The following FILIP1 variants were observed in gnomAD, a reference collection of about 807,000 sequenced individuals.
FILIP1 encodes the protein filamin A interacting protein 1, also known as filamin-A-interacting protein 1.
A neutral mutation model predicts 102.1 loss-of-function variants in FILIP1; 61 were observed. The ratio of observed to expected loss-of-function variants is 0.60; its 90% CI spans 0.49 to 0.74. The LOEUF (loss-of-function observed/expected upper bound fraction) is 0.74. Among genes scored for constraint, FILIP1 ranks in the 30% least tolerant of loss-of-function variants. The probability of loss-of-function intolerance (pLI) is 0.00; values close to 1 mark genes in which losing one functional copy is unlikely to be tolerated. For missense variants in FILIP1, 1,314 were observed against 1,441.2 expected (o/e 0.91, Z 1.43); for synonymous variants, 491 against 526.9 (o/e 0.93, Z 0.93).
chr6:75,330,029 G>A (rs2149576427), intron 4 of FILIP1, among the ~76,000 whole-genome samples: 1 of 152,194 alleles, frequency 6.6e-6, no homozygotes, highest in Middle Eastern at 3.4e-3. Flanking sequence ...TACTGTGCAG[G>A]GCTGGGATGA....
chr6:75,381,470 T>C (rs1478367758), intron 2 of FILIP1, among the ~76,000 whole-genome samples: 1 of 152,122 alleles, frequency 6.6e-6, no homozygotes, highest in Non-Finnish European at 1.5e-5. Context: ...CCTCGTTATC[T>C]GCCCACCTTG....
intron 4 of FILIP1, among the ~76,000 whole-genome samples, chr6:75,352,105 T>C (rs1774829600): frequency 6.6e-6 from 1 of 152,214 alleles, no homozygotes; most frequent in Admixed American, 6.5e-5. Context: ...TTACCAATAA[T>C]TTTTTTAAAA....
At chr6:75,383,024 C>T (rs142033136) in intron 2 of FILIP1, among the ~76,000 whole-genome samples, 4 of 152,268 alleles carry the variant, frequency 2.6e-5, no homozygotes, top group African/African-American at 9.6e-5. Context: ...ACAAATTAGC[C>T]AGTTGCCCAA....
intron 4 of FILIP1, among the ~76,000 whole-genome samples, chr6:75,348,066 C>CACACACACACACACACACACAT (rs1774653869): frequency 2.0e-5 from 3 of 151,506 alleles, no homozygotes; most frequent in Non-Finnish European, 4.4e-5. Context: ...CAGTTATACA[C>CACACACACACACACACACACAT]ACACACACAC....
intron 1 of FILIP1, among the ~76,000 whole-genome samples, chr6:75,442,212 C>T (rs1401095966): frequency 6.6e-6 from 1 of 151,874 alleles, no homozygotes; most frequent in African/African-American, 2.4e-5. Context: ...CGGGAAGAGG[C>T]GCTCCTCACT....
At chr6:75,462,523 A>T (rs1031159846) in intron 1 of FILIP1, among the ~76,000 whole-genome samples, 10 of 152,204 alleles carry the variant, frequency 6.6e-5, no homozygotes, top group African/African-American at 2.4e-4. Flanking sequence ...ATAATAAAAA[A>T]TAATTGCAAA....
intron 1 of FILIP1, among the ~76,000 whole-genome samples, chr6:75,475,641 A>T (rs552557108): frequency 5.9e-5 from 9 of 152,332 alleles, no homozygotes; most frequent in African/African-American, 1.7e-4. Context: ...AATCAAAACT[A>T]TCAAGTATTA....
chr6:75,475,974 C>T, intron 1 of FILIP1, among the ~76,000 whole-genome samples: 1 of 152,144 alleles, frequency 6.6e-6, no homozygotes, highest in South Asian at 2.1e-4. Context: ...GGCGCTGTAG[C>T]TCACACCTAT....
chr6:75,490,589 A>G (rs1180344393), intron 1 of FILIP1, among the ~76,000 whole-genome samples: 1 of 152,076 alleles, frequency 6.6e-6, no homozygotes, highest in Non-Finnish European at 1.5e-5. Context: ...AAAGATAACA[A>G]AAGTATATAA....
chr6:75,474,663 A>T (rs1779422466), intron 1 of FILIP1, among the ~76,000 whole-genome samples: 1 of 152,064 alleles, frequency 6.6e-6, no homozygotes, highest in Non-Finnish European at 1.5e-5. Flanking sequence ...TCCTTTTTCC[A>T]TGAAACTATT....
chr6:75,487,407 C>T (rs1779819430), intron 1 of FILIP1, among the ~76,000 whole-genome samples: 1 of 152,114 alleles, frequency 6.6e-6, no homozygotes, highest in South Asian at 2.1e-4. Flanking sequence ...ATTATTAACT[C>T]AGCAATGCCT....
chr6:75,291,997 TGTTTTCATTG>T (rs1772559175), exon 7 of FILIP1: 1 of 152,248 alleles, frequency 6.6e-6, no homozygotes, highest in Non-Finnish European at 1.5e-5. Context: ...TAACAGAGAA[TGTTTTCATTG>T]GTTAAATAAT....
intron 1 of FILIP1, among the ~76,000 whole-genome samples, chr6:75,441,087 G>A (rs893849148): frequency 1.3e-5 from 2 of 151,440 alleles, no homozygotes; most frequent in African/African-American, 4.9e-5. Context: ...AGATAAACAA[G>A]TGAACAAAGG....
rs2149550685 is a variant in FILIP1, at chr6:75,314,311, C to A, written c.1521G>T (p.Met507Ile). 1 of 1,526,110 alleles carries A rather than the reference C, an allele frequency of 6.6e-7. No individual in the cohort carries two copies. Among genetic ancestry groups the A allele is most frequent in the Non-Finnish European group, 8.7e-7 (1 of 1,147,876 alleles). 94.5% of individuals were successfully genotyped at this position (1,526,110 alleles called of 1,614,324 possible). ...DLTKLKSFTV[M>I]LVDERKNMME... ...TCATATTTTTCCTTTCATCAACCAG[C>A]ATCACGGTAAATGACTTCAACTTGG... Residue 507 changes from methionine (M) to isoleucine (I), a missense_variant, in exon 5 of 6, where the codon ATG becomes ATT. Met to Ile is a conservative substitution (Grantham distance 10). Around this residue, in one of 3 missense-constraint regions of FILIP1, gnomAD observed 816 missense variants for 913.1 expected, o/e 0.89. Transcript: ENST00000237172.
chr6:75,319,079 C>A (rs1213852334), intron 4 of FILIP1: 1 of 724,246 alleles, frequency 1.4e-6, no homozygotes, highest in Non-Finnish European at 2.5e-6. Context: ...CCTTCTTCCT[C>A]CTCTTCATCC....
chr6:75,466,009 G>T (rs1206282406), intron 1 of FILIP1, among the ~76,000 whole-genome samples: 1 of 152,052 alleles, frequency 6.6e-6, no homozygotes, highest in Non-Finnish European at 1.5e-5. Flanking sequence ...CCGGCTTAAG[G>T]CCCACCCAGG....
At chr6:75,481,603 CAT>C (rs777308016) in intron 1 of FILIP1, among the ~76,000 whole-genome samples, 9 of 152,318 alleles carry the variant, frequency 5.9e-5, no homozygotes, top group African/African-American at 1.4e-4. Context: ...CCTATAACCA[CAT>C]GTTAGACCTT....
intron 1 of FILIP1, among the ~76,000 whole-genome samples, chr6:75,459,901 T>C (rs1281604643): frequency 6.6e-6 from 1 of 152,184 alleles, no homozygotes; most frequent in Non-Finnish European, 1.5e-5. Context: ...ATTAATCTCT[T>C]TGAGTGAGTT....
At chr6:75,351,222 C>G (rs1425588951) in intron 4 of FILIP1, among the ~76,000 whole-genome samples, 1 of 152,064 alleles carries the variant, frequency 6.6e-6, no homozygotes, top group Non-Finnish European at 1.5e-5. Context: ...CACCACCATG[C>G]CCGGCTAATT....
Sources: gnomAD v4.1 joint callset for allele counts (sites outside exome capture counted in the v4.1 genomes callset) on GRCh38, gnomAD v4.1.1 for gene constraint, gnomAD v4.1.1 regional missense constraint, MANE v1.5 for transcripts, NCBI Gene and HGNC (gene_info 2026-07-23, HGNC 2026-07-21) for gene names.